Variants in FSIP2 observed in about 807,000 individuals in gnomAD.
FSIP2 encodes the protein fibrous sheath interacting protein 2.
In FSIP2, 367 loss-of-function variants were observed where a neutral mutation model predicts 510.5. The observed-to-expected ratio is 0.72, with a 90% CI of 0.66 to 0.78. The LOEUF is 0.78. FSIP2 is among the 30% of genes least tolerant of loss of function. The pLI, the probability that FSIP2 is intolerant of heterozygous loss-of-function variation, is 0.00. For missense variants in FSIP2, 7,594 were observed against 7,901.7 expected (o/e 0.96, Z 1.48); for synonymous variants, 2,601 against 2,732.2 (o/e 0.95, Z 1.50).
intron 2 of FSIP2, among the ~76,000 whole-genome samples, chr2:185,742,727 A>G (rs1691947712): frequency 6.6e-6 from 1 of 152,228 alleles, no homozygotes; most frequent in Admixed American, 6.5e-5. Flanking sequence ...AAATATAATC[A>G]TAATTACTAT....
chr2:185,759,928 T>G (rs1166524816), intron 9 of FSIP2, among the ~76,000 whole-genome samples: 1 of 150,384 alleles, frequency 6.6e-6, no homozygotes, highest in African/African-American at 2.4e-5. Context: ...TGGAAAGGTT[T>G]AAACCTCATA....
Position 185,800,665 on chromosome 2 carries a change from G to A in FSIP2, c.11359G>A (p.Glu3787Lys). ...GSVSEETSAE[E>K]CQLLKMLQSV... ...TGTTTCAGAGGAAACATCAGCAGAA[G>A]AATGTCAACTTTTAAAAATGCTTCA... The change falls in exon 17 of 23, where the codon GAA becomes AAA. Residue 3787 changes from glutamate to lysine, a missense_variant. Coordinates refer to ENST00000424728, the MANE Select transcript of FSIP2 (RefSeq NM_173651.4). 6.5e-7 allele frequency: 1 copy of A among 1,534,186 alleles called. No homozygotes were observed. Among genetic ancestry groups the A allele is most frequent in the Non-Finnish European group, 8.7e-7 (1 of 1,145,648 alleles).
Position 185,796,373 on chromosome 2 carries a change from T to C in FSIP2, c.9237T>C (p.Leu3079=). The C allele has an allele frequency of 6.5e-7, 1 of 1,533,916 alleles. No individual in the cohort carries two copies. Residue 3079 remains leucine, a synonymous_variant, in exon 16 of 23, where the codon CTT becomes CTC. Coordinates refer to ENST00000424728, the MANE Select transcript of FSIP2 (RefSeq NM_173651.4). ...LRVHSFHSQL[L]TYAVNIISDM... ...TTCATTCATTCCATTCACAATTACT[T>C]ACATATGCTGTTAATATCATCAGTG...
chr2:185,793,746 G>T lies in FSIP2; in HGVS notation c.6610G>T (p.Gly2204Trp). The T allele has an allele frequency of 1.3e-6, 2 of 1,533,880 alleles. No homozygotes were observed. Among genetic ancestry groups the T allele is most frequent in the African/African-American group, 2.7e-5 (2 of 72,880 alleles). ...AATAGACTGTCAACAGCCTCTTAAG[G>T]GGTCAAAAACTGAAAGAAAAACAGA... ...PKIDCQQPLK[G>W]SKTERKTERF... is the part of the protein sequence containing the mutation. Residue 2204 changes from glycine to tryptophan, a missense_variant, in exon 16 of 23, where the codon GGG becomes TGG. Transcript: ENST00000424728.
Position 185,790,577 on chromosome 2 carries a change from A to G in FSIP2, c.3441A>G (p.Gly1147=). ...ASVLVSEKPQ[G]LSHQEWIDQM... ...TTCTTGTTTCAGAAAAGCCTCAAGG[A>G]CTGTCACATCAAGAATGGATAGACC... Residue 1147 remains glycine, a synonymous_variant, in exon 16 of 23, where the codon GGA becomes GGG. Coordinates refer to ENST00000424728, the MANE Select transcript of FSIP2 (RefSeq NM_173651.4). 1.3e-6 allele frequency: 2 copies of G among 1,533,882 alleles called. No individual in the cohort carries two copies. The highest frequency in any genetic ancestry group is 1.7e-6 in the Non-Finnish European group (2 of 1,145,510).
Position 185,796,177 on chromosome 2 carries a change from A to G in FSIP2, c.9041A>G (p.Tyr3014Cys), listed in dbSNP as rs1307249749. ...VDLQFKHISK[Y>C]EFSEIVKMPI... is the part of the protein sequence containing the mutation. ...TTGCAGTTTAAACATATCTCCAAAT[A>G]TGAGTTTTCTGAAATTGTGAAAATG... The change falls in exon 16 of 23, where the codon TAT (tyrosine) becomes TGT (cysteine). Residue 3014 changes from tyrosine to cysteine, a missense_variant. Coordinates refer to ENST00000424728, the MANE Select transcript of FSIP2 (RefSeq NM_173651.4). The G allele has an allele frequency of 1.2e-5, 19 of 1,532,706 alleles. No homozygotes were observed. Among genetic ancestry groups the G allele is most frequent in the Non-Finnish European group, 1.1e-5 (13 of 1,145,148 alleles). 94.9% of individuals were successfully genotyped at this position (1,532,706 alleles called of 1,614,324 possible). A position where few individuals can be genotyped will look rare whatever the true frequency, so the allele number is the denominator to read the frequency against.
rs1469004002 is a variant in FSIP2, at chr2:185,813,844, G to GA, written c.20133dup (p.Phe6712IlefsTer6). The GA allele has an allele frequency of 1.2e-6, 2 of 1,613,628 alleles. No homozygotes were observed. The highest frequency in any genetic ancestry group is 1.7e-5 in the Admixed American group (1 of 59,916). ...AGTCAACACTAAGCACGAGCAGCCT[G>GA]AAAAAATTTTTGTCACTAAGTAAAT... On this transcript the variant is annotated frameshift_variant, in exon 18 of 23. Coordinates refer to ENST00000424728, the MANE Select transcript of FSIP2 (RefSeq NM_173651.4). LOFTEE classifies it high-confidence loss of function.
intron 3 of FSIP2, 75 bp from the exon 4 acceptor site, chr2:185,744,247 T>A (rs977854447): frequency 7.6e-6 from 2 of 263,260 alleles, no homozygotes; most frequent in African/African-American, 4.5e-5. Context: ...TTTAAAAATA[T>A]ATTTAAAATA....
chr2:185,794,025 A>T lies in FSIP2; in HGVS notation c.6889A>T (p.Ser2297Cys), dbSNP rs768429540. Reference sequence around the variant, plus strand: ...ATTGGAAAATTGTAAACAAAATGACAGCATCTTTTATGATTCAAGCCAAGT... The same window carrying T: ...ATTGGAAAATTGTAAACAAAATGACTGCATCTTTTATGATTCAAGCCAAGT... ...PELENCKQNDSIFYDSSQVES... is the reference protein window; with the variant it reads ...PELENCKQNDCIFYDSSQVES... The change falls in exon 16 of 23, where the codon AGC becomes TGC. Residue 2297 changes from serine to cysteine, a missense_variant. By Grantham distance (112) the Ser-to-Cys change is moderately radical. Transcript: ENST00000424728. 8 of 1,533,892 alleles carry T rather than the reference A, an allele frequency of 5.2e-6. No individual in the cohort carries two copies. The highest frequency in any genetic ancestry group is 4.4e-6 in the Non-Finnish European group (5 of 1,145,428).
chr2:185,749,728 C>G (rs949556914), intron 7 of FSIP2, among the ~76,000 whole-genome samples: 1 of 151,708 alleles, frequency 6.6e-6, no homozygotes, highest in African/African-American at 2.4e-5. Context: ...GTTAGTGGCT[C>G]TCTTTGCTAG....
chr2:185,788,126 C>A (rs1289394716), intron 15 of FSIP2: 1 of 151,860 alleles, frequency 6.6e-6, no homozygotes, highest in Non-Finnish European at 1.5e-5. Flanking sequence ...TCAGCAGGGA[C>A]TGGGAGAGAA....
At chr2:185,786,216 C>T (rs1409091369) in intron 14 of FSIP2, 36 bp from the exon 15 acceptor site, 3 of 1,403,588 alleles carry the variant, frequency 2.1e-6, no homozygotes, top group East Asian at 5.0e-5. Flanking sequence ...ATTTTTGACT[C>T]TATGTAATAA....
Position 185,761,047 on chromosome 2 carries a change from A to G in FSIP2, c.1138A>G (p.Asn380Asp). The G allele has an allele frequency of 6.6e-7, 1 of 1,508,544 alleles. No homozygotes were observed. Among genetic ancestry groups the G allele is most frequent in the Non-Finnish European group, 8.9e-7 (1 of 1,125,834 alleles). 93.4% of individuals were successfully genotyped at this position (1,508,544 alleles called of 1,614,324 possible). Reference sequence around the variant, plus strand: ...TAGTTCAAATAATTTTACGAAAAAAAACTCAGCTTCTGTTGTTTATCAGGC... The same window carrying G: ...TAGTTCAAATAATTTTACGAAAAAAGACTCAGCTTCTGTTGTTTATCAGGC... ...QNSSNNFTKKNSASVVYQADV... is the reference protein window; with the variant it reads ...QNSSNNFTKKDSASVVYQADV... The change falls in exon 10 of 23, where the codon AAC becomes GAC. Residue 380 changes from asparagine (N) to aspartate (D), a missense_variant. Physicochemically the swap from Asn to Asp is conservative, Grantham distance 23. Coordinates refer to ENST00000424728, the MANE Select transcript of FSIP2 (RefSeq NM_173651.4).
chr2:185,743,277 A>G lies in FSIP2; in HGVS notation c.370A>G (p.Ile124Val). ...GAAGAGATTAAAGAAAGGTGGCTAC[A>G]TCACCAGCAATAATAAAGTGGGTTG... Reference protein sequence around the residue: ...ILKRLKKGGYITSNNKVVCTL... With the variant: ...ILKRLKKGGYVTSNNKVVCTL... The change falls in exon 3 of 23, where the codon ATC (isoleucine) becomes GTC (valine). Residue 124 changes from isoleucine to valine, a missense_variant. Physicochemically the swap from Ile to Val is conservative, Grantham distance 29. Coordinates refer to ENST00000424728, the MANE Select transcript of FSIP2 (RefSeq NM_173651.4). 1 of 1,497,524 alleles carries G rather than the reference A, an allele frequency of 6.7e-7. No homozygotes were observed. Among genetic ancestry groups the G allele is most frequent in the Non-Finnish European group, 8.8e-7 (1 of 1,134,284 alleles). 92.8% of individuals were successfully genotyped at this position (1,497,524 alleles called of 1,614,324 possible).
chr2:185,768,945 T>C (rs1352252766), intron 13 of FSIP2, among the ~76,000 whole-genome samples: 1 of 152,212 alleles, frequency 6.6e-6, no homozygotes, highest in Non-Finnish European at 1.5e-5. Context: ...TCCATGTTCC[T>C]GCAAAGGACA....
chr2:185,828,045 TA>T (rs1369406930), intron 20 of FSIP2, 110 bp from the exon 21 acceptor site: 6 of 671,786 alleles, frequency 8.9e-6, no homozygotes, highest in Non-Finnish European at 1.3e-5. Context: ...TCGACCTGCC[TA>T]AACTATATGA....
At chr2:185,799,169 G>A (rs565750461) in intron 16 of FSIP2, among the ~76,000 whole-genome samples, 2 of 151,752 alleles carry the variant, frequency 1.3e-5, no homozygotes, top group Non-Finnish European at 2.9e-5. Flanking sequence ...CTATAATCTA[G>A]GGACTAAAGT....
intron 10 of FSIP2, 119 bp downstream of exon 10, chr2:185,761,222 T>G: frequency 2.5e-6 from 1 of 407,962 alleles, no homozygotes; most frequent in Non-Finnish European, 4.3e-6. Context: ...TACTGAGTTT[T>G]ATTCATGAAA....
At chr2:185,741,149 G>T (rs1691914645) in intron 2 of FSIP2, among the ~76,000 whole-genome samples, 1 of 152,002 alleles carries the variant, frequency 6.6e-6, no homozygotes, top group African/African-American at 2.4e-5. Context: ...TGTGGCTTTT[G>T]TCTCCTCCCT....
Sources: allele counts gnomAD v4.1 joint callset (sites outside exome capture counted in the v4.1 genomes callset), GRCh38; gene constraint gnomAD v4.1.1; transcripts MANE v1.5; gene names NCBI Gene and HGNC (gene_info 2026-07-23, HGNC 2026-07-21).